The following UPF2 variants were observed in gnomAD, a reference collection of about 807,000 sequenced individuals.
UPF2 encodes the protein UPF2 regulator of nonsense mediated mRNA decay.
UPF2 carries 17 observed loss-of-function variants against 141.4 expected under a neutral mutation model. That is an observed-to-expected ratio of 0.12 (90% CI 0.08 to 0.18). The LOEUF (loss-of-function observed/expected upper bound fraction) is 0.18, where lower values mean the gene tolerates loss of function less well. Ranked by LOEUF, UPF2 falls within the 10% of genes least tolerant of loss-of-function variation. The pLI, the probability that UPF2 is intolerant of heterozygous loss-of-function variation, is 1.00. For synonymous variants in UPF2, 540 were observed against 498.0 expected, an observed-to-expected ratio of 1.08 and a Z score of -1.12; for missense variants, 1,152 against 1,515.9, an observed-to-expected ratio of 0.76 and a Z score of 3.99.
chr10:11,962,544 C>G (rs1374952652), intron 11 of UPF2, among the ~76,000 whole-genome samples: 1 of 152,162 alleles, frequency 6.6e-6, no homozygotes, highest in Non-Finnish European at 1.5e-5. Flanking sequence ...CCATCCATAC[C>G]CCGATTCATT....
Position 11,947,246 on chromosome 10 carries a change from A to G in UPF2, c.3174+1123T>C, listed in dbSNP as rs557758713. Among the ~76,000 whole-genome samples, 4 of 152,232 alleles carry G rather than the reference A, an allele frequency of 2.6e-5. No homozygotes were observed. The South Asian group carries it at 6.2e-4, about 24-fold the overall frequency. ...AGAATTAAAACTGCTAGTTTTAATC[A>G]CACAGAAATGACATTTTGCTAAGTC... On this transcript the variant is annotated intron_variant, in intron 16 of 21. Transcript: ENST00000357604.
intron 10 of UPF2, among the ~76,000 whole-genome samples, chr10:11,966,445 A>G (rs1833321557): frequency 6.6e-6 from 1 of 151,656 alleles, no homozygotes; most frequent in East Asian, 1.9e-4. Flanking sequence ...TTTTTTTGAG[A>G]CGGACTTTCA....
intron 13 of UPF2, 24 bp from the exon 14 acceptor site, chr10:11,955,531 T>C (rs771545647): frequency 1.3e-6 from 2 of 1,589,348 alleles, no homozygotes; most frequent in Non-Finnish European, 1.7e-6. Flanking sequence ...AAACCACAGA[T>C]TTTCATTAAA....
At chr10:11,978,835 A>G (rs1413678074) in intron 9 of UPF2, among the ~76,000 whole-genome samples, 1 of 152,212 alleles carries the variant, frequency 6.6e-6, no homozygotes, top group Non-Finnish European at 1.5e-5. Context: ...CAATGGGGGA[A>G]CAAGGTAGCA....
chr10:11,928,283 G>A lies in UPF2; in HGVS notation c.3809+1582C>T, dbSNP rs183627950. Among the ~76,000 whole-genome samples, 7 of 152,190 alleles carry A rather than the reference G, an allele frequency of 4.6e-5. No individual in the cohort carries two copies. The East Asian group carries it at 1.4e-3, about 29-fold the overall frequency. On this transcript the variant is annotated intron_variant, in intron 21 of 21. Coordinates refer to ENST00000357604, the MANE Select transcript of UPF2 (RefSeq NM_015542.4). ...ACCCGGGAGGTAGAGGTTGCAGAGA[G>A]CCAAGATCACGCTGCTGCACTCCAG...
chr10:12,015,839 T>G (rs1045053042), intron 3 of UPF2, among the ~76,000 whole-genome samples: 2 of 152,216 alleles, frequency 1.3e-5, no homozygotes, highest in African/African-American at 4.8e-5. Flanking sequence ...AAATCTGGTC[T>G]ATTAGGGTCT....
chr10:12,001,190 G>A (rs554394808), intron 6 of UPF2, among the ~76,000 whole-genome samples: 3 of 152,282 alleles, frequency 2.0e-5, no homozygotes, highest in South Asian at 2.1e-4. Context: ...AAGGCGGGCG[G>A]ATCACCTGAG....
At chr10:11,999,834 A>G in intron 7 of UPF2, 72 bp downstream of exon 7, 1 of 1,240,746 alleles carries the variant, frequency 8.1e-7, no homozygotes, top group Non-Finnish European at 1.2e-6. Flanking sequence ...TCTAAAAACC[A>G]TAGACATTCC....
At position 11,935,679 on chromosome 10, in the gene UPF2, C is replaced by T. The variant is rs985732379; in HGVS notation, c.3546+866G>A. The stretch of plus-strand genomic sequence containing the variant: ...ATGTTTCACTATCTGCAAATATGTG[C>T]GTTTGTCTCTCTGCTCTCTCAGTAG... On this transcript the variant is annotated intron_variant, in intron 19 of 21. Coordinates refer to ENST00000357604, the MANE Select transcript of UPF2 (RefSeq NM_015542.4). The surrounding 1 kb of genome is among the most constrained non-coding windows in gnomAD (Gnocchi z 4.9). Among the ~76,000 whole-genome samples, 1 of 152,258 alleles carries T rather than the reference C, an allele frequency of 6.6e-6. No individual in the cohort carries two copies.
In UPF2 at chr10:11,937,329, T is replaced by C. The variant is rs1176820429; in HGVS notation, c.3379-617A>G. Reference sequence around the variant, plus strand: ...AGTAATGTTAAAAATACTTAGCCTCTACACTCAAAGAGCTCATAAGCTTGT... The same window carrying C: ...AGTAATGTTAAAAATACTTAGCCTCCACACTCAAAGAGCTCATAAGCTTGT... On this transcript the variant is annotated intron_variant, in intron 18 of 21. Transcript: ENST00000357604. Among the ~76,000 whole-genome samples, 3 of 152,184 alleles carry C rather than the reference T, an allele frequency of 2.0e-5. No individual in the cohort carries two copies. In the East Asian group the frequency reaches 5.8e-4, roughly 29 times the overall value.
intron 8 of UPF2, among the ~76,000 whole-genome samples, chr10:11,983,773 G>A (rs745979222): frequency 3.9e-5 from 6 of 152,106 alleles, no homozygotes; most frequent in South Asian, 2.1e-4. Flanking sequence ...GTCAATGCTT[G>A]TGATTTTCTT....
chr10:12,033,008 C>A (rs1373951423), intron 2 of UPF2, among the ~76,000 whole-genome samples: 1 of 151,950 alleles, frequency 6.6e-6, no homozygotes, highest in Non-Finnish European at 1.5e-5. Flanking sequence ...CCATCACCCC[C>A]CCAAAAATGG....
rs929249250 is a variant in UPF2 at position 11,959,955 on chromosome 10, A to C, written c.2185-599T>G. ...CTTTACTACCAAGGTAACTTCTTTCATAACTTTGTGTCTAGGGTTGCTCAG... is the reference window on the plus strand; with the variant it reads ...CTTTACTACCAAGGTAACTTCTTTCCTAACTTTGTGTCTAGGGTTGCTCAG... On this transcript the variant is annotated intron_variant, in intron 11 of 21. Coordinates refer to ENST00000357604, the MANE Select transcript of UPF2 (RefSeq NM_015542.4). The surrounding 1 kb of genome is among the most constrained non-coding windows in gnomAD (Gnocchi z 5.9). Among the ~76,000 whole-genome samples, 2 of 152,246 alleles carry C rather than the reference A, an allele frequency of 1.3e-5. No individual in the cohort carries two copies.
At chr10:12,024,618 A>G (rs1209848172) in intron 3 of UPF2, among the ~76,000 whole-genome samples, 2 of 151,306 alleles carry the variant, frequency 1.3e-5, no homozygotes, top group Non-Finnish European at 2.9e-5. Context: ...TCGAAAAATT[A>G]ATTAATTTAT....
chr10:11,988,822 T>C (rs1269321351), intron 8 of UPF2, among the ~76,000 whole-genome samples: 5 of 152,214 alleles, frequency 3.3e-5, no homozygotes, highest in Admixed American at 6.5e-5. Context: ...TTACTCCCCT[T>C]ATCTCCTCGC....
At chr10:11,997,028 T>G (rs1157691945) in intron 8 of UPF2, among the ~76,000 whole-genome samples, 2 of 152,332 alleles carry the variant, frequency 1.3e-5, no homozygotes, top group Admixed American at 1.3e-4. Context: ...TAAACAGAAA[T>G]AGATCTCCTC....
At chr10:11,967,225 C>T in intron 10 of UPF2, 116 bp downstream of exon 10, 1 of 593,108 alleles carries the variant, frequency 1.7e-6, no homozygotes, top group Non-Finnish European at 2.6e-6. Context: ...ACTTTTTCTT[C>T]CTTTCTTGGT....
Position 11,931,884 on chromosome 10 carries a change from C to T in UPF2, c.3547-102G>A. On this transcript the variant is annotated intron_variant, in intron 19 of 21. Coordinates refer to ENST00000357604, the MANE Select transcript of UPF2 (RefSeq NM_015542.4). This position sits in a 1 kb window ranked among gnomAD's most constrained non-coding sequence, Gnocchi z 5.9. ...AGCAAGTACAGGCTGGGCACGGTGG[C>T]TCACGCCTGTAATCCCAGCACTTTG... 1 of 1,323,800 alleles carries T rather than the reference C, an allele frequency of 7.6e-7. No individual in the cohort carries two copies. Among genetic ancestry groups the T allele is most frequent in the Non-Finnish European group, 1.0e-6 (1 of 977,812 alleles). The allele number at this position is 1,323,800 out of a possible 1,614,324, so 82.0% of individuals were successfully genotyped here.
chr10:12,037,021 G>A (rs780220784), intron 1 of UPF2, among the ~76,000 whole-genome samples: 8 of 151,394 alleles, frequency 5.3e-5, no homozygotes, highest in African/African-American at 4.8e-5. Flanking sequence ...ACAAAACTCC[G>A]CCTCAAGAAA....
Sources: allele counts gnomAD v4.1 joint callset (sites outside exome capture counted in the v4.1 genomes callset), GRCh38; gene constraint gnomAD v4.1.1; non-coding constraint Gnocchi (gnomAD v3.1); transcripts MANE v1.5; gene names NCBI Gene and HGNC (gene_info 2026-07-23, HGNC 2026-07-21).